The following CPT1B variants were observed in gnomAD, a reference collection of about 807,000 sequenced individuals.
CPT1B encodes the protein carnitine O-palmitoyltransferase 1, muscle isoform.
Under a neutral mutation model 92.7 loss-of-function variants are expected in CPT1B, and 57 were observed. That is an observed-to-expected ratio of 0.62 (90% CI 0.50 to 0.77). The LOEUF is 0.77. Ranked by LOEUF, CPT1B falls within the 30% of genes least tolerant of loss-of-function variation. The probability of loss-of-function intolerance (pLI) is 0.00; values close to 1 mark genes in which losing one functional copy is unlikely to be tolerated. For missense variants in CPT1B, 983 were observed against 1,017.4 expected, an observed-to-expected ratio of 0.97 and a Z score of 0.46; for synonymous variants, 398 against 383.5, an observed-to-expected ratio of 1.04 and a Z score of -0.44.
In CPT1B at chr22:50,572,869, C is replaced by T. The variant is rs760126269; in HGVS notation, c.1352+6G>A. The stretch of plus-strand genomic sequence containing the variant: ...GCTGTAACCTGTGGGGCTGGGGCTG[C>T]CGTACCTGTTGTAGCAGTTGCCATG... On this transcript the variant is annotated splice_donor_region_variant and intron_variant, in intron 11 of 19. Transcript: ENST00000312108. The T allele has an allele frequency of 8.1e-6, 13 of 1,599,942 alleles. No homozygotes were observed. In the Admixed American group the frequency reaches 2.2e-4, roughly 27 times the overall value.
chr22:50,573,533 T>A lies in CPT1B; in HGVS notation c.1153A>T (p.Thr385Ser), dbSNP rs1359473999. The change falls in exon 10 of 20, where the codon ACT becomes TCT. Residue 385 changes from threonine to serine, a missense_variant. Physicochemically the swap from Thr to Ser is moderately conservative, Grantham distance 58. Coordinates refer to ENST00000312108, the MANE Select transcript of CPT1B (RefSeq NM_152246.3). This position sits in a 1 kb window ranked among gnomAD's most constrained non-coding sequence, Gnocchi z 5.0. ...QPGEEKLAAL[T>S]AGGRVEWAQA... ...AGAGGCCAATACCTTCCTCCTGCAG[T>A]GAGGGCTGCCAGCTTCTCCTCCCCA... The A allele has an allele frequency of 6.2e-7, 1 of 1,611,110 alleles. No homozygotes were observed. Among genetic ancestry groups the A allele is most frequent in the Non-Finnish European group, 8.5e-7 (1 of 1,178,484 alleles).
intron 7 of CPT1B, 22 bp downstream of exon 7, chr22:50,576,013 A>G: frequency 6.2e-7 from 1 of 1,611,502 alleles, no homozygotes; most frequent in Non-Finnish European, 8.5e-7. Context: ...ACGTGCGGGG[A>G]CCTGGGGGCT....
At position 50,573,881 on chromosome 22, in the gene CPT1B, T is replaced by G; in HGVS notation, c.971-166A>C. ...TCCGTGTGTCCTAAACCAGGCCCTG[T>G]GCTGGGTGCTTCCACTCTCTCTCAC... On this transcript the variant is annotated intron_variant, in intron 9 of 19. Transcript: ENST00000312108. This position sits in a 1 kb window ranked among gnomAD's most constrained non-coding sequence, Gnocchi z 5.0. The G allele has an allele frequency of 2.8e-6, 2 of 725,918 alleles. No individual in the cohort carries two copies. Among genetic ancestry groups the G allele is most frequent in the South Asian group, 3.0e-5 (2 of 66,962 alleles). The allele number at this position is 725,918 out of a possible 1,614,324, so 45.0% of individuals were successfully genotyped here. A position where few individuals can be genotyped will look rare whatever the true frequency, so the allele number is the denominator to read the frequency against.
chr22:50,577,143 C>A, intron 3 of CPT1B, 109 bp from the exon 4 acceptor site: 1 of 1,412,288 alleles, frequency 7.1e-7, no homozygotes, highest in South Asian at 1.3e-5. Context: ...TGGGCACACT[C>A]ATGTCTGACT....
At chr22:50,570,214 C>A in intron 17 of CPT1B, 79 bp downstream of exon 17, 1 of 1,058,568 alleles carries the variant, frequency 9.4e-7, no homozygotes. Flanking sequence ...TGCCTCTCGT[C>A]TGACCTCAGG....
At chr22:50,570,156 G>C in intron 17 of CPT1B, 137 bp downstream of exon 17, 1 of 618,572 alleles carries the variant, frequency 1.6e-6, no homozygotes. Context: ...CTAACATTCT[G>C]CTTCCATGCA....
chr22:50,573,675 G>C lies in CPT1B; in HGVS notation c.1011C>G (p.Val337=). 8 of 1,613,152 alleles carry C rather than the reference G, an allele frequency of 5.0e-6. No homozygotes were observed. The highest frequency in any genetic ancestry group is 5.9e-6 in the Non-Finnish European group (7 of 1,179,948). ...GCTTGAAGAAGCGTCCCTTGTGGTAGACAGCCACGTGCCGGCTGTCTGAGA... is the reference window on the plus strand; with the variant it reads ...GCTTGAAGAAGCGTCCCTTGTGGTACACAGCCACGTGCCGGCTGTCTGAGA... The part of the protein sequence containing the change: ...QHLSDSRHVA[V]YHKGRFFKLW... Residue 337 remains valine (V), a synonymous_variant, in exon 10 of 20, where the codon GTC becomes GTG. Coordinates refer to ENST00000312108, the MANE Select transcript of CPT1B (RefSeq NM_152246.3). The surrounding 1 kb of genome is among the most constrained non-coding windows in gnomAD (Gnocchi z 5.0).
chr22:50,572,113 C>G lies in CPT1B; in HGVS notation c.1468G>C (p.Gly490Arg). The G allele has an allele frequency of 6.2e-7, 1 of 1,614,062 alleles. No individual in the cohort carries two copies. The change falls in exon 13 of 20, where the codon GGC (glycine) becomes CGC (arginine). Residue 490 changes from glycine to arginine, a missense_variant. Coordinates refer to ENST00000312108, the MANE Select transcript of CPT1B (RefSeq NM_152246.3). ...TAGCCCAGGTGGAAGCTGTCTGTGC[C>G]CAGGACAAACTGCAGGGAGAGGATG... ...IIGHLWEFVL[G>R]TDSFHLGYTE...
At chr22:50,574,165 C>T (rs549179066) in intron 9 of CPT1B, among the ~76,000 whole-genome samples, 170 bp downstream of exon 9, 160 of 152,338 alleles carry the variant, frequency 1.1e-3, no homozygotes, top group South Asian at 4.8e-3. Flanking sequence ...CCTGTGGGGT[C>T]CCTGCGCCAG....
rs1352445783 is a variant in CPT1B at position 50,570,418 on chromosome 22, G to A, written c.2029-12C>T. ...GGTTCCGAGAGCACCTGCAATGGAGGCCACAGCTGGTCAGAGGCCACATAC... is the reference window on the plus strand; with the variant it reads ...GGTTCCGAGAGCACCTGCAATGGAGACCACAGCTGGTCAGAGGCCACATAC... On this transcript the variant is annotated splice_polypyrimidine_tract_variant and intron_variant, in intron 16 of 19. Coordinates refer to ENST00000312108, the MANE Select transcript of CPT1B (RefSeq NM_152246.3). 2 of 1,573,638 alleles carry A rather than the reference G, an allele frequency of 1.3e-6. No individual in the cohort carries two copies. The highest frequency in any genetic ancestry group is 2.7e-5 in the African/African-American group (2 of 73,916).
At chr22:50,578,099 G>A in intron 1 of CPT1B, 165 bp from the exon 2 acceptor site, 1 of 239,854 alleles carries the variant, frequency 4.2e-6, no homozygotes, top group Non-Finnish European at 7.3e-6. Flanking sequence ...CCAAATCCTC[G>A]CGCCAGCCTT....
In CPT1B at chr22:50,572,924, T is replaced by C. The variant is rs770762991; in HGVS notation, c.1303A>G (p.Ser435Gly). 1.9e-6 allele frequency: 3 copies of C among 1,613,372 alleles called. No homozygotes were observed. The South Asian group carries it at 3.3e-5, about 18-fold the overall frequency. The change falls in exon 11 of 20, where the codon AGC becomes GGC. Residue 435 changes from serine to glycine, a missense_variant. Physicochemically the swap from Ser to Gly is moderately conservative, Grantham distance 56. Transcript: ENST00000312108. The part of the protein sequence containing the change: ...SYSYDPEDEA[S>G]LSLYGKALLH... The stretch of plus-strand genomic sequence containing the variant: ...AGGGCCTTGCCATAGAGGCTGAGGC[T>C]GGCCTCATCTTCGGGGTCATAGGAG...
chr22:50,571,494 C>T lies in CPT1B; in HGVS notation c.1621G>A (p.Ala541Thr). 1 of 1,613,554 alleles carries T rather than the reference C, an allele frequency of 6.2e-7. No homozygotes were observed. Among genetic ancestry groups the T allele is most frequent in the Non-Finnish European group, 8.5e-7 (1 of 1,180,034 alleles). Reference protein sequence around the residue: ...ESSYQVAKALADDVELYCFQF... With the variant: ...ESSYQVAKALTDDVELYCFQF... ...AAGCAGTACAACTCCACGTCGTCTG[C>T]CAACGCCTTGGCCACCTGGTAGGAA... Residue 541 changes from alanine to threonine, a missense_variant, in exon 14 of 20, where the codon GCA becomes ACA. Ala to Thr is a moderately conservative substitution (Grantham distance 58). Coordinates refer to ENST00000312108, the MANE Select transcript of CPT1B (RefSeq NM_152246.3).
At chr22:50,576,724 C>T in intron 4 of CPT1B, 87 bp from the exon 5 acceptor site, 1 of 1,552,322 alleles carries the variant, frequency 6.4e-7, no homozygotes, top group Non-Finnish European at 8.9e-7. Flanking sequence ...TCAGAGCCAT[C>T]CCAGCCCCTC....
In CPT1B at chr22:50,577,812, C is replaced by A; in HGVS notation, c.104G>T (p.Gly35Val). ...REALKHVYLS[G>V]INSWKKRLIR... ...CAGGCGTTTCTTCCAGGAGTTGATCCCAGACAGGTAGACGTGTTTCAGGGC... is the reference window on the plus strand; with the variant it reads ...CAGGCGTTTCTTCCAGGAGTTGATCACAGACAGGTAGACGTGTTTCAGGGC... The change falls in exon 2 of 20, where the codon GGG becomes GTG. Residue 35 changes from glycine to valine, a missense_variant. Gly to Val is a moderately radical substitution (Grantham distance 109, BLOSUM62 -3). Coordinates refer to ENST00000312108, the MANE Select transcript of CPT1B (RefSeq NM_152246.3). The A allele has an allele frequency of 6.2e-7, 1 of 1,613,884 alleles. No individual in the cohort carries two copies. The highest frequency in any genetic ancestry group is 8.5e-7 in the Non-Finnish European group (1 of 1,179,880).
chr22:50,572,220 T>C lies in CPT1B; in HGVS notation c.1441A>G (p.Ile481Val). 6.2e-7 allele frequency: 1 copy of C among 1,613,552 alleles called. No homozygotes were observed. Among genetic ancestry groups the C allele is most frequent in the Non-Finnish European group, 8.5e-7 (1 of 1,179,542 alleles). ...GCTATTACCTCCCAGAGGTGCCCAA[T>C]GATGGGAGCATCTGCCCACGCATGC... ...AEHAWADAPIIGHLWEFVLGT... is the reference protein window; with the variant it reads ...AEHAWADAPIVGHLWEFVLGT... The change falls in exon 12 of 20, where the codon ATT (isoleucine) becomes GTT (valine). Residue 481 changes from isoleucine to valine, a missense_variant. Coordinates refer to ENST00000312108, the MANE Select transcript of CPT1B (RefSeq NM_152246.3).
At position 50,571,159 on chromosome 22, in the gene CPT1B, G is replaced by C. The variant is rs768981014; in HGVS notation, c.1874C>G (p.Thr625Arg). 1 of 1,614,130 alleles carries C rather than the reference G, an allele frequency of 6.2e-7. No individual in the cohort carries two copies. Among genetic ancestry groups the C allele is most frequent in the Non-Finnish European group, 8.5e-7 (1 of 1,180,006 alleles). Residue 625 changes from threonine to arginine, a missense_variant and splice_region_variant, in exon 15 of 20, where the codon ACA becomes AGA. Transcript: ENST00000312108. ...FVQAMMEGSHTKADLRDLFQK... is the reference protein window; with the variant it reads ...FVQAMMEGSHRKADLRDLFQK... ...CCCACATGGGCAGAGGACACTTACTGTGTGGGACCCCTCCATCATGGCCTG... is the reference window on the plus strand; with the variant it reads ...CCCACATGGGCAGAGGACACTTACTCTGTGGGACCCCTCCATCATGGCCTG...
chr22:50,569,790 G>A (rs1160939681), intron 17 of CPT1B, 122 bp from the exon 18 acceptor site: 13 of 816,978 alleles, frequency 1.6e-5, no homozygotes, highest in Admixed American at 1.3e-4. Context: ...CCTAGACACT[G>A]CATTTTTCCT....
chr22:50,571,760 C>T (rs2070185963), intron 13 of CPT1B: 2 of 641,218 alleles, frequency 3.1e-6, no homozygotes, highest in East Asian at 5.5e-5. Context: ...GCTCCAGGGG[C>T]CTGTGAGTGC....
Sources: gnomAD v4.1 joint callset for allele counts (sites outside exome capture counted in the v4.1 genomes callset) on GRCh38, gnomAD v4.1.1 for gene constraint, Gnocchi (gnomAD v3.1) non-coding constraint, MANE v1.5 for transcripts, NCBI Gene and HGNC (gene_info 2026-07-23, HGNC 2026-07-21) for gene names.